IPCEF1: variants seen among roughly 807,000 people sequenced by gnomAD.
IPCEF1 encodes interactor protein for cytohesin exchange factors 1.
IPCEF1 carries 31 observed loss-of-function variants against 50.9 expected under a neutral mutation model. That is an observed-to-expected ratio of 0.61 (90% CI 0.46 to 0.82). IPCEF1 has a LOEUF of 0.82. Among genes scored for constraint, IPCEF1 ranks in the 40% least tolerant of loss-of-function variants. IPCEF1 has a pLI of 0.00. For synonymous variants in IPCEF1, 181 were observed against 192.0 expected (o/e 0.94, Z 0.47); for missense variants, 458 against 514.0 (o/e 0.89, Z 1.05).
Position 154,246,774 on chromosome 6 carries a change from A to T in IPCEF1, c.77-14T>A. On this transcript the variant is annotated splice_polypyrimidine_tract_variant and intron_variant, in intron 4 of 11. Transcript: ENST00000367220. ...TCGTGAGAAAACCTGCAATGATTAC[A>T]TGAAGAGGTAGATAATGTATTACCC... 1 of 1,613,258 alleles carries T rather than the reference A, an allele frequency of 6.2e-7. No homozygotes were observed. Among genetic ancestry groups the T allele is most frequent in the Non-Finnish European group, 8.5e-7 (1 of 1,179,508 alleles).
Position 154,172,579 on chromosome 6 carries a change from G to A in IPCEF1, c.911-4466C>T, listed in dbSNP as rs1204298245. Among the ~76,000 whole-genome samples, 4 of 152,198 alleles carry A rather than the reference G, an allele frequency of 2.6e-5. No individual in the cohort carries two copies. The East Asian group carries it at 7.7e-4, about 29-fold the overall frequency. On this transcript the variant is annotated intron_variant, in intron 10 of 11. Transcript: ENST00000367220. ...GATTGTCCTGGGATGCTGGAGCTTG[G>A]CAAGGGGAGGGGCATCCACCATTGC...
intron 5 of IPCEF1, among the ~76,000 whole-genome samples, chr6:154,238,922 G>T (rs115940382): frequency 0.14 from 21,050 of 148,458 alleles, 1,612 homozygotes; most frequent in Non-Finnish European, 0.17. Flanking sequence ...CTATATTGTT[G>T]TTTTTTTTAA....
intron 10 of IPCEF1, among the ~76,000 whole-genome samples, chr6:154,185,715 G>A (rs1266879143): frequency 1.3e-5 from 2 of 152,182 alleles, no homozygotes; most frequent in East Asian, 1.9e-4. Flanking sequence ...ATTAGAAGAA[G>A]AAGAAGAACT....
chr6:154,276,277 A>C (rs1473802522), intron 2 of IPCEF1, among the ~76,000 whole-genome samples: 1 of 8,680 alleles, frequency 1.2e-4, no homozygotes, highest in East Asian at 0.038. Context: ...AAGAGAAAAA[A>C]GAAAAGAAAA....
chr6:154,159,801 A>G lies in IPCEF1; in HGVS notation c.*27T>C. The G allele has an allele frequency of 1.9e-6, 3 of 1,549,304 alleles. No homozygotes were observed. The highest frequency in any genetic ancestry group is 2.7e-6 in the Non-Finnish European group (3 of 1,127,446). On this transcript the variant is annotated 3_prime_UTR_variant, in exon 12 of 12. Transcript: ENST00000367220. ...CTTGAAGAGTTGCTTGTGATAAAAT[A>G]TAAGAGGAGAAAACCCTGACTTTGT...
At chr6:154,317,205 C>T (rs1783242047) in intron 1 of IPCEF1, among the ~76,000 whole-genome samples, 1 of 152,046 alleles carries the variant, frequency 6.6e-6, no homozygotes, top group South Asian at 2.1e-4. Context: ...ACCTAGAATA[C>T]ATAAAGAATT....
At chr6:154,212,667 C>A (rs1778060465) in intron 9 of IPCEF1, 103 bp downstream of exon 9, 1 of 734,958 alleles carries the variant, frequency 1.4e-6, no homozygotes, top group Non-Finnish European at 2.3e-6. Context: ...TTAATTTAGC[C>A]CATTCTAAAA....
In IPCEF1 at chr6:154,212,791, G is replaced by T; in HGVS notation, c.516C>A (p.His172Gln). 3 of 1,612,472 alleles carry T rather than the reference G, an allele frequency of 1.9e-6. No homozygotes were observed. The highest frequency in any genetic ancestry group is 1.7e-6 in the Non-Finnish European group (2 of 1,178,476). ...EIAAETPPPP[H>Q]ASQTQSLTAQ... ...ATACCAAAGACTGAGTCTGGGAAGC[G>T]TGAGGAGGGGGTGGTGTCTCCGCAG... Residue 172 changes from histidine to glutamine, a missense_variant, in exon 9 of 12, where the codon CAC (histidine) becomes CAA (glutamine). By Grantham distance (24) the His-to-Gln change is conservative. Coordinates refer to ENST00000367220, the MANE Select transcript of IPCEF1 (RefSeq NM_001130700.2).
At chr6:154,223,819 G>A (rs1243039440) in intron 5 of IPCEF1, among the ~76,000 whole-genome samples, 1 of 152,178 alleles carries the variant, frequency 6.6e-6, no homozygotes, top group African/African-American at 2.4e-5. Context: ...CAGGGCCTTG[G>A]GGATTAAATC....
intron 11 of IPCEF1, among the ~76,000 whole-genome samples, chr6:154,161,411 A>C (rs1167644606): frequency 1.3e-5 from 2 of 152,010 alleles, no homozygotes; most frequent in Non-Finnish European, 2.9e-5. Flanking sequence ...GGGTTTCGCC[A>C]TGTTGACCAA....
At chr6:154,259,803 T>C (rs561707888) in intron 3 of IPCEF1, among the ~76,000 whole-genome samples, 7 of 152,246 alleles carry the variant, frequency 4.6e-5, no homozygotes, top group South Asian at 2.1e-4. Context: ...TCTCATGCCC[T>C]TCCCACCTAA....
chr6:154,221,806 A>G (rs1273353089), intron 6 of IPCEF1, among the ~76,000 whole-genome samples: 1 of 152,158 alleles, frequency 6.6e-6, no homozygotes, highest in Non-Finnish European at 1.5e-5. Flanking sequence ...CCTGGGAGGC[A>G]GAGCTTGCAG....
chr6:154,189,617 T>G (rs572733883), intron 10 of IPCEF1, among the ~76,000 whole-genome samples: 3 of 152,342 alleles, frequency 2.0e-5, no homozygotes, highest in Non-Finnish European at 2.9e-5. Flanking sequence ...AAGTGATGGA[T>G]ATGGTATTAC....
chr6:154,185,790 C>CA (rs1196544770), intron 10 of IPCEF1, among the ~76,000 whole-genome samples: 2 of 152,106 alleles, frequency 1.3e-5, no homozygotes, highest in Non-Finnish European at 2.9e-5. Flanking sequence ...AAAAAAATCA[C>CA]AAAAAATTCT....
At chr6:154,242,260 G>C (rs1780658005) in intron 5 of IPCEF1, among the ~76,000 whole-genome samples, 1 of 152,086 alleles carries the variant, frequency 6.6e-6, no homozygotes, top group Non-Finnish European at 1.5e-5. Flanking sequence ...CGGAACCTTG[G>C]GGCCTTTCTA....
intron 4 of IPCEF1, 61 bp downstream of exon 4, chr6:154,247,388 G>C: frequency 7.3e-7 from 1 of 1,367,894 alleles, no homozygotes. Flanking sequence ...AGGCACCCCG[G>C]AGAAAAGCCA....
chr6:154,182,301 C>T (rs1247645442), intron 10 of IPCEF1, among the ~76,000 whole-genome samples: 1 of 152,104 alleles, frequency 6.6e-6, no homozygotes, highest in African/African-American at 2.4e-5. Context: ...CAGCTCAAGG[C>T]TCTTCTACTG....
chr6:154,204,153 C>T (rs1237807239), intron 9 of IPCEF1, among the ~76,000 whole-genome samples: 1 of 152,158 alleles, frequency 6.6e-6, no homozygotes, highest in Non-Finnish European at 1.5e-5. Context: ...AAGATTAATA[C>T]TGATTTTTCC....
intron 1 of IPCEF1, among the ~76,000 whole-genome samples, chr6:154,295,894 T>TAAACACACACACACGC (rs1782640600): frequency 9.4e-6 from 1 of 106,712 alleles, no homozygotes; most frequent in African/African-American, 3.4e-5. Flanking sequence ...CACACATGCG[T>TAAACACACACACACGC]ACACACACAC....
Sources: gnomAD v4.1 joint callset for allele counts (sites outside exome capture counted in the v4.1 genomes callset) on GRCh38, gnomAD v4.1.1 for gene constraint, MANE v1.5 for transcripts, NCBI Gene and HGNC (gene_info 2026-07-23, HGNC 2026-07-21) for gene names.